The following MAPK8 variants were observed in gnomAD, a reference collection of about 807,000 sequenced individuals.
MAPK8 encodes the protein mitogen-activated protein kinase 8, also known as JUN N-terminal kinase.
In MAPK8, 13 loss-of-function variants were observed where a neutral mutation model predicts 52.9. The ratio of observed to expected loss-of-function variants is 0.25; its 90% CI spans 0.16 to 0.39. The LOEUF (loss-of-function observed/expected upper bound fraction) is 0.39. Ranked by LOEUF, MAPK8 falls within the 10% of genes least tolerant of loss-of-function variation. MAPK8 has a pLI of 1.00. For missense variants in MAPK8, 300 were observed against 519.2 expected, an observed-to-expected ratio of 0.58 and a Z score of 4.10; for synonymous variants, 191 against 169.8, an observed-to-expected ratio of 1.12 and a Z score of -0.97.
intron 1 of MAPK8, among the ~76,000 whole-genome samples, chr10:48,312,144 A>T (rs1019562438): frequency 6.6e-6 from 1 of 152,238 alleles, no homozygotes; most frequent in African/African-American, 2.4e-5. Flanking sequence ...GATAAACCTG[A>T]GAAAGCAAGA....
intron 1 of MAPK8, among the ~76,000 whole-genome samples, chr10:48,345,064 A>G (rs980611554): frequency 1.3e-5 from 2 of 152,256 alleles, no homozygotes; most frequent in African/African-American, 4.8e-5. Flanking sequence ...AATTGTAATA[A>G]TATAAGATGC....
intron 1 of MAPK8, among the ~76,000 whole-genome samples, chr10:48,382,831 C>CTA (rs1445101135): frequency 2.8e-5 from 4 of 144,280 alleles, no homozygotes; most frequent in Admixed American, 7.0e-5. Flanking sequence ...CTCAGGCTAG[C>CTA]TATATATATA....
At chr10:48,341,269 C>A (rs1306292604) in intron 1 of MAPK8, among the ~76,000 whole-genome samples, 1 of 152,108 alleles carries the variant, frequency 6.6e-6, no homozygotes, top group Non-Finnish European at 1.5e-5. Flanking sequence ...TATTAACAGC[C>A]TTGCTAATGA....
intron 6 of MAPK8, among the ~76,000 whole-genome samples, chr10:48,423,725 T>G (rs1340423203): frequency 1.3e-5 from 2 of 152,208 alleles, no homozygotes; most frequent in East Asian, 3.8e-4. Flanking sequence ...AATTTTATTT[T>G]TATAATTTTA....
intron 1 of MAPK8, among the ~76,000 whole-genome samples, chr10:48,341,671 GAGTTTATAGTCT>G (rs1354192434): frequency 1.3e-5 from 2 of 152,194 alleles, no homozygotes; most frequent in African/African-American, 2.4e-5. Context: ...TATCTTCTTG[GAGTTTATAGTCT>G]AGTGAAGAAG....
intron 5 of MAPK8, among the ~76,000 whole-genome samples, chr10:48,411,138 A>G (rs554818781): frequency 4.6e-5 from 7 of 152,302 alleles, no homozygotes; most frequent in African/African-American, 1.7e-4. Flanking sequence ...ATGAAATACA[A>G]TTGTTTATTT....
intron 1 of MAPK8, among the ~76,000 whole-genome samples, chr10:48,365,051 T>C (rs560534371): frequency 6.6e-6 from 1 of 152,314 alleles, no homozygotes; most frequent in South Asian, 2.1e-4. Context: ...TGGCAAGTTA[T>C]TGATGTAAAT....
At chr10:48,324,503 G>GTTTTTTTTTTTTTGGTT (rs529248037) in intron 1 of MAPK8, among the ~76,000 whole-genome samples, 1 of 118,020 alleles carries the variant, frequency 8.5e-6, no homozygotes, top group Admixed American at 9.3e-5. Flanking sequence ...CTGTTTTCTA[G>GTTTTTTTTTTTTTGGTT]TTTTTTTTTT....
intron 1 of MAPK8, among the ~76,000 whole-genome samples, chr10:48,397,027 A>G (rs2041921080): frequency 6.6e-6 from 1 of 152,242 alleles, no homozygotes; most frequent in Non-Finnish European, 1.5e-5. Context: ...ACAGCATTTG[A>G]CAAACCATAG....
chr10:48,330,838 C>T (rs1844068299), intron 1 of MAPK8, among the ~76,000 whole-genome samples: 1 of 152,186 alleles, frequency 6.6e-6, no homozygotes, highest in Non-Finnish European at 1.5e-5. Flanking sequence ...GCAAAACTTT[C>T]TTCCCTTTTA....
At position 48,414,936 on chromosome 10, in the gene MAPK8, T is replaced by G. The variant is rs189709076; in HGVS notation, c.450+4768T>G. Among the ~76,000 whole-genome samples the G allele has an allele frequency of 7.2e-5, 11 of 152,248 alleles. No homozygotes were observed. In the East Asian group the frequency reaches 2.1e-3, roughly 29 times the overall value. On this transcript the variant is annotated intron_variant, in intron 5 of 11. Coordinates refer to ENST00000374189, the MANE Select transcript of MAPK8 (RefSeq NM_001323329.2). ...GGAATTACATCTTCCTTCTGAGTCA[T>G]CTGCGTCAAATAACCTTACTCATGT...
chr10:48,339,710 A>G (rs944705363), intron 1 of MAPK8, among the ~76,000 whole-genome samples: 1 of 152,188 alleles, frequency 6.6e-6, no homozygotes, highest in Non-Finnish European at 1.5e-5. Context: ...ATTTGAATCA[A>G]TAAGAAAAAA....
chr10:48,375,582 A>G (rs781002345), intron 1 of MAPK8, among the ~76,000 whole-genome samples: 1 of 152,240 alleles, frequency 6.6e-6, no homozygotes, highest in South Asian at 2.1e-4. Flanking sequence ...AAACATTCCT[A>G]TACATCAATA....
chr10:48,423,730 A>G (rs2043502162), intron 6 of MAPK8, among the ~76,000 whole-genome samples: 1 of 152,112 alleles, frequency 6.6e-6, no homozygotes, highest in African/African-American at 2.4e-5. Flanking sequence ...TATTTTTATA[A>G]TTTTACTACC....
chr10:48,376,427 A>G lies in MAPK8; in HGVS notation c.-49-25185A>G, dbSNP rs1323531231. On this transcript the variant is annotated intron_variant, in intron 1 of 11. Coordinates refer to ENST00000374189, the MANE Select transcript of MAPK8 (RefSeq NM_001323329.2). ...GAGTTTCTGCACAGCAAAAGAAACT[A>G]TCATCAGAGTGAACAAGCAGCCTAC... Among the ~76,000 whole-genome samples the G allele has an allele frequency of 5.3e-5, 8 of 151,462 alleles. No homozygotes were observed. In the East Asian group the frequency reaches 1.4e-3, roughly 26 times the overall value.
chr10:48,426,471 C>T lies in MAPK8; in HGVS notation c.963C>T (p.Ile321=). ...SVDEALQHPY[I]NVWYDPSEAE... ...ATGAAGCTCTCCAACACCCGTACATCAATGTCTGGTATGATCCTTCTGAAG... is the reference window on the plus strand; with the variant it reads ...ATGAAGCTCTCCAACACCCGTACATTAATGTCTGGTATGATCCTTCTGAAG... Residue 321 remains isoleucine (I), a synonymous_variant, in exon 9 of 12, where the codon ATC becomes ATT. Transcript: ENST00000374189. 2 of 1,611,910 alleles carry T rather than the reference C, an allele frequency of 1.2e-6. No homozygotes were observed. Among genetic ancestry groups the T allele is most frequent in the Non-Finnish European group, 1.7e-6 (2 of 1,179,160 alleles).
chr10:48,378,983 A>G (rs1249879058), intron 1 of MAPK8, among the ~76,000 whole-genome samples: 1 of 152,198 alleles, frequency 6.6e-6, no homozygotes, highest in Non-Finnish European at 1.5e-5. Context: ...AAAAAGTTTT[A>G]GAGTTATTAT....
chr10:48,373,131 A>G (rs1455380760), intron 1 of MAPK8, among the ~76,000 whole-genome samples: 1 of 152,174 alleles, frequency 6.6e-6, no homozygotes, highest in Non-Finnish European at 1.5e-5. Flanking sequence ...ATATCCAGCC[A>G]AACTAAGCTT....
chr10:48,324,596 T>C (rs1033439098), intron 1 of MAPK8, among the ~76,000 whole-genome samples: 4 of 151,382 alleles, frequency 2.6e-5, no homozygotes, highest in Non-Finnish European at 5.9e-5. Flanking sequence ...TGGATTTGTC[T>C]GATTTTCTTG....
Sources: gnomAD v4.1 joint callset for allele counts (sites outside exome capture counted in the v4.1 genomes callset) on GRCh38, gnomAD v4.1.1 for gene constraint, MANE v1.5 for transcripts, NCBI Gene and HGNC (gene_info 2026-07-23, HGNC 2026-07-21) for gene names.